The following CNTN6 variants were observed in gnomAD, a reference collection of about 807,000 sequenced individuals.
CNTN6 encodes the protein contactin 6, also known as contactin-6.
CNTN6 carries 137 observed loss-of-function variants against 122.8 expected under a neutral mutation model. That is an observed-to-expected ratio of 1.12 (90% CI 0.97 to 1.29). The LOEUF (loss-of-function observed/expected upper bound fraction) is 1.29, where lower values mean the gene tolerates loss of function less well. Ranked by LOEUF, CNTN6 falls within the 50% of genes most tolerant of loss-of-function variation. CNTN6 has a pLI of 0.00. For synonymous variants in CNTN6, 570 were observed against 426.0 expected (o/e 1.34, Z -4.16); for missense variants, 1,634 against 1,223.4 (o/e 1.34, Z -5.01).
At chr3:1,398,141 T>C (rs1158557346) in intron 20 of CNTN6, among the ~76,000 whole-genome samples, 1 of 152,180 alleles carries the variant, frequency 6.6e-6, no homozygotes, top group East Asian at 1.9e-4. Flanking sequence ...ATGTGTTTTG[T>C]GCTATCCATG....
At chr3:1,308,984 ATTTTC>A (rs1231885445) in intron 7 of CNTN6, among the ~76,000 whole-genome samples, 2 of 151,968 alleles carry the variant, frequency 1.3e-5, no homozygotes, top group African/African-American at 4.8e-5. Context: ...TGGTATGTTT[ATTTTC>A]TTATTGATGA....
At chr3:1,385,585 T>A (rs1269692553) in intron 19 of CNTN6, 26 bp from the exon 20 acceptor site, 2 of 1,554,628 alleles carry the variant, frequency 1.3e-6, no homozygotes, top group Non-Finnish European at 1.7e-6. Context: ...AACAATAAAT[T>A]GCTTGTTTTG....
intron 7 of CNTN6, among the ~76,000 whole-genome samples, chr3:1,300,108 C>T (rs980908056): frequency 1.3e-5 from 2 of 152,028 alleles, no homozygotes; most frequent in African/African-American, 4.8e-5. Context: ...TCCCAAGTAG[C>T]TGGGACTACA....
intron 2 of CNTN6, among the ~76,000 whole-genome samples, chr3:1,199,326 T>C (rs2093826391): frequency 6.6e-6 from 1 of 151,822 alleles, no homozygotes; most frequent in South Asian, 2.1e-4. Flanking sequence ...ACTACAGGTG[T>C]ATGCCACCAT....
At chr3:1,212,747 C>T (rs942146076) in intron 2 of CNTN6, among the ~76,000 whole-genome samples, 2 of 151,916 alleles carry the variant, frequency 1.3e-5, no homozygotes, top group Non-Finnish European at 2.9e-5. Context: ...ATACAGAAAA[C>T]CAACATTGTT....
intron 20 of CNTN6, among the ~76,000 whole-genome samples, chr3:1,394,895 T>C (rs1304343547): frequency 1.3e-5 from 2 of 152,092 alleles, no homozygotes; most frequent in Non-Finnish European, 2.9e-5. Flanking sequence ...CCATGAGTAA[T>C]TTCACCCAAG....
At chr3:1,288,135 C>T (rs1230545257) in intron 5 of CNTN6, among the ~76,000 whole-genome samples, 2 of 152,126 alleles carry the variant, frequency 1.3e-5, no homozygotes, top group Non-Finnish European at 2.9e-5. Flanking sequence ...CAATGTACAA[C>T]CAGTTCTATA....
At chr3:1,326,239 C>T (rs1433583030) in intron 9 of CNTN6, among the ~76,000 whole-genome samples, 1 of 151,948 alleles carries the variant, frequency 6.6e-6, no homozygotes, top group South Asian at 2.1e-4. Flanking sequence ...TCATCATCGA[C>T]ACGGATAACA....
rs556722792 is a variant in CNTN6 at position 1,176,349 on chromosome 3, A to C, written c.55+28286A>C. ...CGAGAATCACTTGAACCTGGGATGC[A>C]GAAGTTGCTGTGGGCCAAGATCGTG... is the stretch of plus-strand genomic sequence containing the variant. On this transcript the variant is annotated intron_variant, in intron 2 of 22. Transcript: ENST00000446702. Among the ~76,000 whole-genome samples, 48 of 152,304 alleles carry C rather than the reference A, an allele frequency of 3.2e-4. 1 individual carries two copies. The highest frequency in any genetic ancestry group is 3.0e-3 in the Admixed American group (46 of 15,296).
intron 2 of CNTN6, among the ~76,000 whole-genome samples, chr3:1,162,199 A>C (rs1020960185): frequency 6.6e-6 from 1 of 152,286 alleles, no homozygotes; most frequent in African/African-American, 2.4e-5. Flanking sequence ...AACCCTCCCA[A>C]ATATTCTGAC....
chr3:1,370,336 C>T (rs578132137), intron 12 of CNTN6, among the ~76,000 whole-genome samples: 3 of 151,710 alleles, frequency 2.0e-5, no homozygotes, highest in Non-Finnish European at 4.4e-5. Context: ...CATCACACAC[C>T]GGGGACTATT....
intron 4 of CNTN6, among the ~76,000 whole-genome samples, chr3:1,258,380 CAA>C (rs916382041): frequency 6.6e-6 from 1 of 152,004 alleles, no homozygotes; most frequent in African/African-American, 2.4e-5. Context: ...TGAGGTTCTG[CAA>C]AAAGTGTCAA....
At chr3:1,103,011 C>T (rs893012995) in intron 1 of CNTN6, among the ~76,000 whole-genome samples, 3 of 151,286 alleles carry the variant, frequency 2.0e-5, no homozygotes, top group East Asian at 2.0e-4. Context: ...GAGGCTGAGG[C>T]AGGAGAATGG....
At chr3:1,312,170 A>C (rs1344545528) in intron 7 of CNTN6, among the ~76,000 whole-genome samples, 3 of 151,908 alleles carry the variant, frequency 2.0e-5, no homozygotes, top group Admixed American at 6.6e-5. Context: ...GCCTCTTTTA[A>C]TCTTAAAGAC....
At chr3:1,208,603 G>A (rs1449333042) in intron 2 of CNTN6, among the ~76,000 whole-genome samples, 1 of 151,936 alleles carries the variant, frequency 6.6e-6, no homozygotes, top group Non-Finnish European at 1.5e-5. Flanking sequence ...TTCCCTTTCT[G>A]GAGTATAAAT....
intron 4 of CNTN6, among the ~76,000 whole-genome samples, chr3:1,265,672 C>A (rs1179845261): frequency 6.6e-6 from 1 of 152,144 alleles, no homozygotes; most frequent in Non-Finnish European, 1.5e-5. Flanking sequence ...TTTCTGTTCT[C>A]TCCCCTCCAC....
intron 4 of CNTN6, among the ~76,000 whole-genome samples, chr3:1,242,709 C>A (rs141292749): frequency 2.0e-5 from 3 of 151,814 alleles, no homozygotes; most frequent in African/African-American, 7.3e-5. Context: ...GGGAGAAGGG[C>A]GGCAATGAGA....
chr3:1,330,642 C>G (rs959978357), intron 11 of CNTN6, among the ~76,000 whole-genome samples: 8 of 151,796 alleles, frequency 5.3e-5, no homozygotes, highest in African/African-American at 1.9e-4. Context: ...CAATTAAATC[C>G]TAATGTGAAC....
At chr3:1,247,341 C>T (rs1308827883) in intron 4 of CNTN6, among the ~76,000 whole-genome samples, 4 of 150,638 alleles carry the variant, frequency 2.7e-5, no homozygotes, top group African/African-American at 9.9e-5. Context: ...CTGCTATTGA[C>T]CTCTTTTTTC....
Sources: gnomAD v4.1 joint callset for allele counts (sites outside exome capture counted in the v4.1 genomes callset) on GRCh38, gnomAD v4.1.1 for gene constraint, MANE v1.5 for transcripts, NCBI Gene and HGNC (gene_info 2026-07-23, HGNC 2026-07-21) for gene names.